Variants in RGS22 observed in about 807,000 individuals in gnomAD.
RGS22 encodes regulator of G-protein signaling 22.
A neutral mutation model predicts 172.9 loss-of-function variants in RGS22; 148 were observed. The observed-to-expected ratio is 0.86, with a 90% CI of 0.75 to 0.98. The LOEUF is 0.98. Among genes scored for constraint, RGS22 ranks in the 50% least tolerant of loss-of-function variants. The probability of loss-of-function intolerance (pLI) is 0.00; values close to 1 mark genes in which losing one functional copy is unlikely to be tolerated. For missense variants in RGS22, 1,347 were observed against 1,440.8 expected (o/e 0.93, Z 1.05); for synonymous variants, 458 against 480.2 (o/e 0.95, Z 0.60).
In RGS22 at chr8:99,974,949, A is replaced by G. The variant is rs140667439; in HGVS notation, c.3519+2968T>C. Among the ~76,000 whole-genome samples, 759 of 151,368 alleles carry G rather than the reference A, an allele frequency of 5.0e-3. 6 individuals carry two copies. The highest frequency in any genetic ancestry group is 0.014 in the African/African-American group (566 of 41,224). On this transcript the variant is annotated intron_variant, in intron 23 of 27. Transcript: ENST00000360863. ...GATTACTTGAGGTCAAGAGTTTGAG[A>G]TACCTGGCCAACATGGTGAAACCCC...
rs529535476 is a variant in RGS22, at chr8:99,965,347, T to A, written c.3603A>T (p.Pro1201=). 5 of 1,612,802 alleles carry A rather than the reference T, an allele frequency of 3.1e-6. No individual in the cohort carries two copies. In the East Asian group the frequency reaches 1.1e-4, roughly 36 times the overall value. ...LLSDSFLGLQ[P]YGRQPTWCYS... The stretch of plus-strand genomic sequence containing the variant: ...CTTGCATGCTTACCTGTCGGCCATA[T>A]GGTTGGAGGCCTAGGAAGGAATCAC... Residue 1201 remains proline, a synonymous_variant, in exon 24 of 28, where the codon CCA becomes CCT. Coordinates refer to ENST00000360863, the MANE Select transcript of RGS22 (RefSeq NM_015668.5).
At chr8:100,056,552 G>A (rs111520144) in intron 9 of RGS22, among the ~76,000 whole-genome samples, 3 of 152,282 alleles carry the variant, frequency 2.0e-5, no homozygotes, top group African/African-American at 7.2e-5. Context: ...TACAGCCTAG[G>A]GACTTGGTGC....
chr8:100,010,272 G>A (rs533662303), intron 14 of RGS22, among the ~76,000 whole-genome samples: 3 of 152,156 alleles, frequency 2.0e-5, no homozygotes, highest in African/African-American at 7.2e-5. Flanking sequence ...CACATCACGA[G>A]GTCAAGAGAT....
chr8:99,963,387 A>T (rs1202946230), intron 24 of RGS22, among the ~76,000 whole-genome samples: 1 of 152,194 alleles, frequency 6.6e-6, no homozygotes, highest in African/African-American at 2.4e-5. Context: ...CTATTCAGTC[A>T]TCTTTATATA....
intron 15 of RGS22, among the ~76,000 whole-genome samples, chr8:100,006,561 A>G (rs1056278537): frequency 6.6e-6 from 1 of 152,206 alleles, no homozygotes; most frequent in Non-Finnish European, 1.5e-5. Flanking sequence ...ATCAAATAAA[A>G]CCTCATAGCA....
intron 15 of RGS22, among the ~76,000 whole-genome samples, chr8:100,008,039 T>C (rs1815920014): frequency 1.3e-5 from 2 of 151,530 alleles, no homozygotes; most frequent in South Asian, 4.2e-4. Flanking sequence ...TTTTTTATTT[T>C]TTAATTTTTT....
chr8:100,097,340 TAATATTG>T (rs2132026239), intron 2 of RGS22, among the ~76,000 whole-genome samples: 1 of 152,350 alleles, frequency 6.6e-6, no homozygotes, highest in South Asian at 2.1e-4. Context: ...AATCATAAAC[TAATATTG>T]AATATTATTA....
At chr8:100,067,788 C>A (rs1192129866) in intron 6 of RGS22, among the ~76,000 whole-genome samples, 1 of 151,738 alleles carries the variant, frequency 6.6e-6, no homozygotes, top group African/African-American at 2.4e-5. Context: ...CCATGCCTGG[C>A]TAATTTTTGT....
chr8:99,996,117 G>T (rs531950378), intron 20 of RGS22, among the ~76,000 whole-genome samples: 246 of 150,156 alleles, frequency 1.6e-3, no homozygotes, highest in African/African-American at 5.8e-3. Flanking sequence ...GTTGGGGGGT[G>T]GGGGGCTGGG....
intron 19 of RGS22, among the ~76,000 whole-genome samples, chr8:99,997,407 T>C (rs1428883326): frequency 1.3e-5 from 2 of 152,218 alleles, no homozygotes; most frequent in Non-Finnish European, 2.9e-5. Context: ...GGAGTTAGCC[T>C]GAAGAAAGAG....
chr8:100,039,953 C>A lies in RGS22; in HGVS notation c.2064+9G>T, dbSNP rs757916317. On this transcript the variant is annotated intron_variant, in intron 13 of 27. Coordinates refer to ENST00000360863, the MANE Select transcript of RGS22 (RefSeq NM_015668.5). ...TTATAAAATTAAATTTTAAATAATT[C>A]TTTTCTACCTTGTTCCCTGAATGCT... The A allele has an allele frequency of 2.3e-5, 33 of 1,417,100 alleles. No individual in the cohort carries two copies. Among genetic ancestry groups the A allele is most frequent in the Admixed American group, 9.4e-5 (3 of 31,810 alleles). The allele number at this position is 1,417,100 out of a possible 1,614,324, so 87.8% of individuals were successfully genotyped here. A position where few individuals can be genotyped will look rare whatever the true frequency, so the allele number is the denominator to read the frequency against.
At chr8:99,998,787 A>G (rs1444362806) in intron 19 of RGS22, among the ~76,000 whole-genome samples, 1 of 152,022 alleles carries the variant, frequency 6.6e-6, no homozygotes, top group Non-Finnish European at 1.5e-5. Context: ...AGTAGCTGGG[A>G]CTACTTGGTG....
At chr8:99,979,828 A>C (rs1812356339) in intron 22 of RGS22, among the ~76,000 whole-genome samples, 1 of 152,216 alleles carries the variant, frequency 6.6e-6, no homozygotes, top group African/African-American at 2.4e-5. Context: ...CTGCCCTCAA[A>C]GAGGTTACAG....
chr8:100,074,165 T>C (rs1338908466), intron 4 of RGS22, among the ~76,000 whole-genome samples: 1 of 152,204 alleles, frequency 6.6e-6, no homozygotes, highest in Non-Finnish European at 1.5e-5. Flanking sequence ...CAAATAGCCA[T>C]ACACAAGCTG....
At chr8:99,979,139 T>C (rs72676278) in intron 22 of RGS22, among the ~76,000 whole-genome samples, 4,367 of 152,278 alleles carry the variant, frequency 0.029, 93 homozygotes, top group Non-Finnish European at 0.044. Flanking sequence ...TTACCTGCCA[T>C]ACATTTAATT....
intron 6 of RGS22, among the ~76,000 whole-genome samples, chr8:100,067,610 C>G (rs1006351154): frequency 6.7e-6 from 1 of 149,854 alleles, no homozygotes; most frequent in Admixed American, 6.6e-5. Context: ...CATAATTATT[C>G]CACTTTATAC....
chr8:100,014,370 A>G (rs947141754), intron 14 of RGS22, among the ~76,000 whole-genome samples: 1 of 151,990 alleles, frequency 6.6e-6, no homozygotes, highest in Non-Finnish European at 1.5e-5. Context: ...CTGTTTTGCC[A>G]CCTACTTCTT....
chr8:99,982,097 C>T lies in RGS22; in HGVS notation c.3200G>A (p.Cys1067Tyr). The T allele has an allele frequency of 1.2e-6, 2 of 1,612,368 alleles. No homozygotes were observed. Among genetic ancestry groups the T allele is most frequent in the African/African-American group, 1.3e-5 (1 of 74,930 alleles). ...QKYKDLCHSH[C>Y]DESVIQKKIT... ...CTTCTTCTGGATGACAGACTCATCA[C>T]AATGAGAATGGCACAAGTCCTGAAC... Residue 1067 changes from cysteine (C) to tyrosine (Y), a missense_variant, in exon 22 of 28, where the codon TGT becomes TAT. Transcript: ENST00000360863.
At chr8:100,028,960 C>G (rs1226517667) in intron 14 of RGS22, among the ~76,000 whole-genome samples, 2 of 152,112 alleles carry the variant, frequency 1.3e-5, no homozygotes, top group East Asian at 3.9e-4. Flanking sequence ...GATAGCAATG[C>G]CTGTCTTGCT....
Sources: gnomAD v4.1 joint callset for allele counts (sites outside exome capture counted in the v4.1 genomes callset) on GRCh38, gnomAD v4.1.1 for gene constraint, MANE v1.5 for transcripts, NCBI Gene and HGNC (gene_info 2026-07-23, HGNC 2026-07-21) for gene names.